The following SPRR2G variants were observed in gnomAD, a reference collection of about 807,000 sequenced individuals.
The protein encoded by SPRR2G is small proline-rich protein 2G.
Under a neutral mutation model 0.7 loss-of-function variants are expected in SPRR2G, and 1 was observed. The observed-to-expected ratio is 1.49, with a 90% confidence interval of 0.53 to 7.06. SPRR2G has a LOEUF of 7.06. SPRR2G is among the 30% of genes most tolerant of loss of function. The probability of loss-of-function intolerance (pLI) is 0.14; values close to 1 mark genes in which losing one functional copy is unlikely to be tolerated. For synonymous variants in SPRR2G, 38 were observed against 33.9 expected (o/e 1.12, Z -0.42); for missense variants, 96 against 88.5 (o/e 1.09, Z -0.34).
At chr1:153,199,067 T>C in the SPRR2G span, among the ~76,000 whole-genome samples, 1 of 152,206 alleles carries the variant, frequency 6.6e-6, no homozygotes, top group Non-Finnish European at 1.5e-5. Flanking sequence ...CTGAACCATG[T>C]CCATGAGGAT....
chr1:153,163,386 A>T, the SPRR2G span, among the ~76,000 whole-genome samples: 1 of 152,132 alleles, frequency 6.6e-6, no homozygotes, highest in Non-Finnish European at 1.5e-5. Flanking sequence ...TAAACATCTC[A>T]TCTTTCCACT....
chr1:153,150,119 A>G lies in SPRR2G; in HGVS notation c.-9T>C, dbSNP rs756967325. ...TGCTGCTGGTAAGACATCTCTCCTCAGTCTCAGAGAATCTGAAAGATACAT... is the reference window on the plus strand; with the variant it reads ...TGCTGCTGGTAAGACATCTCTCCTCGGTCTCAGAGAATCTGAAAGATACAT... On this transcript the variant is annotated 5_prime_UTR_variant, in exon 2 of 2. Transcript: ENST00000368748. 19 of 1,611,602 alleles carry G rather than the reference A, an allele frequency of 1.2e-5. No individual in the cohort carries two copies. The highest frequency in any genetic ancestry group is 2.7e-5 in the African/African-American group (2 of 74,852).
the SPRR2G span, among the ~76,000 whole-genome samples, chr1:153,189,338 G>T: frequency 1.3e-5 from 2 of 151,844 alleles, no homozygotes; most frequent in African/African-American, 4.8e-5. Flanking sequence ...ATTCCCTATG[G>T]TTATAAGGCT....
chr1:153,157,830 C>A, the SPRR2G span, among the ~76,000 whole-genome samples: 1 of 151,114 alleles, frequency 6.6e-6, no homozygotes, highest in African/African-American at 2.4e-5. Flanking sequence ...ACTCACAGTT[C>A]CCCATGGCTG....
the SPRR2G span, among the ~76,000 whole-genome samples, chr1:153,170,113 TAAGA>T: frequency 6.6e-6 from 1 of 152,314 alleles, no homozygotes; most frequent in South Asian, 2.1e-4. Context: ...TAAGAAAACA[TAAGA>T]ATCAAAAGAT....
chr1:153,154,741 T>C (rs1485822923), upstream of SPRR2G, among the ~76,000 whole-genome samples: 3 of 152,060 alleles, frequency 2.0e-5, no homozygotes, highest in African/African-American at 7.3e-5. Context: ...GAATCTTCTC[T>C]CCTTTTTTCT....
upstream of SPRR2G, among the ~76,000 whole-genome samples, chr1:153,155,305 C>A (rs1415798145): frequency 1.3e-5 from 2 of 152,184 alleles, no homozygotes; most frequent in Non-Finnish European, 2.9e-5. Flanking sequence ...CCACTTGAAC[C>A]TCCAGTATTC....
At chr1:153,170,282 C>T in the SPRR2G span, among the ~76,000 whole-genome samples, 2 of 152,070 alleles carry the variant, frequency 1.3e-5, no homozygotes, top group African/African-American at 4.8e-5. Flanking sequence ...TACTCCAAAG[C>T]TCCTTGAAAA....
chr1:153,155,499 C>G (rs1406018418), upstream of SPRR2G, among the ~76,000 whole-genome samples: 1 of 152,134 alleles, frequency 6.6e-6, no homozygotes, highest in Non-Finnish European at 1.5e-5. Context: ...ATCTCTTGCT[C>G]GATTATTACC....
At chr1:153,166,839 T>C in the SPRR2G span, among the ~76,000 whole-genome samples, 1 of 152,096 alleles carries the variant, frequency 6.6e-6, no homozygotes, top group African/African-American at 2.4e-5. Context: ...CTTGATGTGC[T>C]TGGCACTTTA....
At chr1:153,192,640 A>G in the SPRR2G span, among the ~76,000 whole-genome samples, 2 of 152,218 alleles carry the variant, frequency 1.3e-5, no homozygotes, top group African/African-American at 2.4e-5. Flanking sequence ...AGACTGAAAC[A>G]AAGAGTAGAG....
At chr1:153,154,651 T>C (rs1656545690), upstream of SPRR2G, among the ~76,000 whole-genome samples, 1 of 152,200 alleles carries the variant, frequency 6.6e-6, no homozygotes, top group Admixed American at 6.5e-5. Flanking sequence ...TAGTTGTTCA[T>C]AAGCAGTCTC....
chr1:153,163,440 G>C, the SPRR2G span, among the ~76,000 whole-genome samples: 1 of 152,138 alleles, frequency 6.6e-6, no homozygotes, highest in Non-Finnish European at 1.5e-5. Flanking sequence ...ATAGCAATTG[G>C]AATTATGGGT....
chr1:153,176,023 C>T, the SPRR2G span: 1 of 152,162 alleles, frequency 6.6e-6, no homozygotes, highest in African/African-American at 2.4e-5. Flanking sequence ...TGCCACTGCA[C>T]TCCAGCCTGG....
chr1:153,169,170 T>G, the SPRR2G span, among the ~76,000 whole-genome samples: 1 of 152,110 alleles, frequency 6.6e-6, no homozygotes, highest in Non-Finnish European at 1.5e-5. Flanking sequence ...AAACCAGCCC[T>G]TTTGAAAGAC....
the SPRR2G span, among the ~76,000 whole-genome samples, chr1:153,162,583 G>T: frequency 6.6e-6 from 1 of 151,928 alleles, no homozygotes; most frequent in African/African-American, 2.4e-5. Context: ...CCACTGAAAT[G>T]GTGCAGGCCC....
At chr1:153,157,027 C>G in the SPRR2G span, among the ~76,000 whole-genome samples, 7 of 152,238 alleles carry the variant, frequency 4.6e-5, no homozygotes, top group African/African-American at 1.7e-4. Flanking sequence ...AATTGAGGAG[C>G]TGGGGCTTAC....
the SPRR2G span, among the ~76,000 whole-genome samples, chr1:153,164,417 T>C: frequency 6.6e-6 from 1 of 152,286 alleles, no homozygotes; most frequent in African/African-American, 2.4e-5. Context: ...CCAATGCTGA[T>C]GGGTGGTCAG....
chr1:153,167,030 G>A, the SPRR2G span, among the ~76,000 whole-genome samples: 1 of 152,236 alleles, frequency 6.6e-6, no homozygotes, highest in African/African-American at 2.4e-5. Context: ...TAATCAGAAT[G>A]GACCCTGATG....
Sources: allele counts gnomAD v4.1 joint callset (sites outside exome capture counted in the v4.1 genomes callset), GRCh38; gene constraint gnomAD v4.1.1; transcripts MANE v1.5; gene names NCBI Gene and HGNC (gene_info 2026-07-23, HGNC 2026-07-21).